The following MTA3 variants were observed in gnomAD, a reference collection of about 807,000 sequenced individuals.
MTA3 encodes the protein metastasis-associated protein MTA3.
Under a neutral mutation model 83.5 loss-of-function variants are expected in MTA3, and 34 were observed. The ratio of observed to expected loss-of-function variants is 0.41; its 90% CI spans 0.31 to 0.54. MTA3 has a LOEUF of 0.54. Ranked by LOEUF, MTA3 falls within the 20% of genes least tolerant of loss-of-function variation. The pLI is 0.33. For synonymous variants in MTA3, 303 were observed against 252.7 expected, an observed-to-expected ratio of 1.20 and a Z score of -1.89; for missense variants, 761 against 726.4, an observed-to-expected ratio of 1.05 and a Z score of -0.55.
At chr2:42,548,876 A>ATATATATATAAT (rs1491291035) in intron 2 of MTA3, among the ~76,000 whole-genome samples, 1 of 20,364 alleles carries the variant, frequency 4.9e-5, no homozygotes, top group Non-Finnish European at 7.7e-5. Flanking sequence ...ATATATATAT[A>ATATATATATAAT]ATATATATAT....
At chr2:42,658,774 A>G (rs1429604590) in intron 7 of MTA3, among the ~76,000 whole-genome samples, 1 of 152,052 alleles carries the variant, frequency 6.6e-6, no homozygotes, top group Non-Finnish European at 1.5e-5. Flanking sequence ...TAAAATATTT[A>G]TAAAATTTCT....
chr2:42,607,160 C>G (rs1279427037), intron 3 of MTA3, among the ~76,000 whole-genome samples: 2 of 151,034 alleles, frequency 1.3e-5, no homozygotes, highest in African/African-American at 5.0e-5. Context: ...TTGAGGTTCA[C>G]TTTTACCCCG....
At chr2:42,683,607 G>A (rs1407171963) in intron 9 of MTA3, among the ~76,000 whole-genome samples, 1 of 152,104 alleles carries the variant, frequency 6.6e-6, no homozygotes, top group Non-Finnish European at 1.5e-5. Flanking sequence ...TTGTTTTTCT[G>A]CAACTAGACA....
chr2:42,570,435 A>G lies in MTA3; in HGVS notation c.29-2A>G. 1 of 1,519,476 alleles carries G rather than the reference A, an allele frequency of 6.6e-7. No individual in the cohort carries two copies. The allele number at this position is 1,519,476 out of a possible 1,614,324, so 94.1% of individuals were successfully genotyped here. On this transcript the variant is annotated splice_acceptor_variant, in intron 1 of 16. Coordinates refer to ENST00000405094, the MANE Select transcript of MTA3 (RefSeq NM_001330442.2). LOFTEE classifies it high-confidence loss of function. ...TAAGTTCTGTACTTCCTTTAATTACAGATTATGTCTACTTTGAGAATTCCT... is the reference window on the plus strand; with the variant it reads ...TAAGTTCTGTACTTCCTTTAATTACGGATTATGTCTACTTTGAGAATTCCT...
chr2:42,753,674 C>G lies in MTA3; in HGVS notation c.*275C>G. On this transcript the variant is annotated 3_prime_UTR_variant, in exon 17 of 17. Coordinates refer to ENST00000405094, the MANE Select transcript of MTA3 (RefSeq NM_001330442.2). ...GCTGAGAATTGAGGGGCTGAGGGAA[C>G]CCCTCCACCTCCTCCCTTCTGCAGC... The G allele has an allele frequency of 7.7e-7, 1 of 1,291,542 alleles. No homozygotes were observed. The highest frequency in any genetic ancestry group is 9.9e-7 in the Non-Finnish European group (1 of 1,011,804). The allele number at this position is 1,291,542 out of a possible 1,614,324, so 80.0% of individuals were successfully genotyped here.
chr2:42,551,790 C>T (rs1011663887), intron 2 of MTA3, among the ~76,000 whole-genome samples: 25 of 150,896 alleles, frequency 1.7e-4, no homozygotes, highest in African/African-American at 6.1e-4. Context: ...TGCAGTGGTG[C>T]GATCTCGGCT....
chr2:42,496,405 C>G (rs7589631), intron 2 of MTA3, among the ~76,000 whole-genome samples: 21,337 of 152,066 alleles, frequency 0.14, 1,543 homozygotes, highest in African/African-American at 0.16. Context: ...TCAATATAAT[C>G]TGGTTTAGAG....
intron 3 of MTA3, among the ~76,000 whole-genome samples, chr2:42,583,451 T>C (rs1051065075): frequency 6.6e-6 from 1 of 152,174 alleles, no homozygotes; most frequent in Admixed American, 6.5e-5. Flanking sequence ...TTAGAATGAG[T>C]TCAAAACTGG....
intron 3 of MTA3, among the ~76,000 whole-genome samples, chr2:42,608,661 TCACTTGAGCC>T (rs1683799855): frequency 6.6e-6 from 1 of 152,196 alleles, no homozygotes; most frequent in Admixed American, 6.5e-5. Context: ...AGCAGGCAGA[TCACTTGAGCC>T]CAGGAGTTCG....
At chr2:42,691,795 C>G (rs540831706) in intron 9 of MTA3, among the ~76,000 whole-genome samples, 1 of 152,302 alleles carries the variant, frequency 6.6e-6, no homozygotes, top group Admixed American at 6.5e-5. Flanking sequence ...ATATACTATT[C>G]TTGGGTAAAG....
rs1347711532 is a variant in MTA3, at chr2:42,756,538, CTAAGTCCCTG to C, written c.*3140_*3149del. On this transcript the variant is annotated 3_prime_UTR_variant, in exon 17 of 17. Transcript: ENST00000405094. ...CTGGTGTTTATGCCCCACTGCTGTC[CTAAGTCCCTG>C]GCGAGGGGAGGTGGAGGAGCTGCCC... The C allele has an allele frequency of 9.6e-5, 95 of 985,788 alleles. 1 individual carries two copies. In the African/African-American group the frequency reaches 1.5e-3, roughly 15 times the overall value. The allele number at this position is 985,788 out of a possible 1,614,324, so 61.1% of individuals were successfully genotyped here.
In MTA3 at chr2:42,504,910, A is replaced by C. The variant is rs577141184; in HGVS notation, c.-141+9656A>C. ...CATTATAGGAACAGCCCCTCTTTGT[A>C]ATCTTCACCCCAGCCTCACTCCAGT... On this transcript the variant is annotated intron_variant, in intron 2 of 17. Transcript: ENST00000405592. 2.0e-5 allele frequency among the ~76,000 whole-genome samples: 3 copies of C among 152,138 alleles called. No homozygotes were observed. The East Asian group carries it at 5.8e-4, about 29-fold the overall frequency.
intron 3 of MTA3, among the ~76,000 whole-genome samples, chr2:42,603,790 GCT>G (rs1457494064): frequency 2.0e-5 from 3 of 152,094 alleles, no homozygotes; most frequent in Non-Finnish European, 4.4e-5. Flanking sequence ...ACGGAGTCTG[GCT>G]CTGTCACCCA....
At chr2:42,638,871 A>G (rs369992625) in intron 4 of MTA3, among the ~76,000 whole-genome samples, 11 of 140,354 alleles carry the variant, frequency 7.8e-5, no homozygotes, top group Admixed American at 6.9e-4. Flanking sequence ...TCACCAGAAA[A>G]AGACATTTTT....
At chr2:42,627,526 C>T (rs1686228814) in intron 4 of MTA3, among the ~76,000 whole-genome samples, 1 of 151,838 alleles carries the variant, frequency 6.6e-6, no homozygotes, top group Non-Finnish European at 1.5e-5. Context: ...CTTCTAATGG[C>T]CCCCTCACAT....
rs1253350320 is a variant in MTA3 at position 42,644,223 on chromosome 2, A to T, written c.478A>T (p.Ile160Phe). 8 of 1,610,646 alleles carry T rather than the reference A, an allele frequency of 5.0e-6. No homozygotes were observed. The highest frequency in any genetic ancestry group is 6.8e-6 in the Non-Finnish European group (8 of 1,178,560). Residue 160 changes from isoleucine (I) to phenylalanine (F), a missense_variant, in exon 6 of 17, where the codon ATT (isoleucine) becomes TTT (phenylalanine). Coordinates refer to ENST00000405094, the MANE Select transcript of MTA3 (RefSeq NM_001330442.2). ...AGTGGGACCTAGATATCAAGCAGAC[A>T]TTCCAGAAATGCTGTTAGAAGGTAC... Reference protein sequence around the residue: ...IRVGPRYQADIPEMLLEGESD... With the variant: ...IRVGPRYQADFPEMLLEGESD...
intron 4 of MTA3, among the ~76,000 whole-genome samples, chr2:42,628,337 T>A (rs1420057007): frequency 6.6e-6 from 1 of 151,930 alleles, no homozygotes; most frequent in Non-Finnish European, 1.5e-5. Context: ...TTCAAGTGAT[T>A]CTCTTGCCTC....
chr2:42,625,098 C>T (rs1192714411), intron 4 of MTA3, among the ~76,000 whole-genome samples: 2 of 152,058 alleles, frequency 1.3e-5, no homozygotes, highest in Non-Finnish European at 2.9e-5. Flanking sequence ...GTGGCGCCAT[C>T]TCGGCTCACT....
intron 3 of MTA3, among the ~76,000 whole-genome samples, chr2:42,585,967 T>C (rs950110368): frequency 6.6e-6 from 1 of 151,864 alleles, no homozygotes; most frequent in Non-Finnish European, 1.5e-5. Context: ...ATAAACAAGA[T>C]GAATAACTTC....
Sources: allele counts gnomAD v4.1 joint callset (sites outside exome capture counted in the v4.1 genomes callset), GRCh38; gene constraint gnomAD v4.1.1; transcripts MANE v1.5; gene names NCBI Gene and HGNC (gene_info 2026-07-23, HGNC 2026-07-21).